XPR1: variants seen among roughly 807,000 people sequenced by gnomAD.
XPR1 encodes solute carrier family 53 member 1.
In XPR1, 28 loss-of-function variants were observed where a neutral mutation model predicts 87.5. The observed-to-expected ratio is 0.32, with a 90% CI of 0.24 to 0.44. XPR1 has a LOEUF of 0.44. Among genes scored for constraint, XPR1 ranks in the 20% least tolerant of loss-of-function variants. XPR1 has a pLI of 1.00. For synonymous variants in XPR1, 300 were observed against 306.1 expected, an observed-to-expected ratio of 0.98 and a Z score of 0.21; for missense variants, 559 against 862.3, an observed-to-expected ratio of 0.65 and a Z score of 4.41.
intron 2 of XPR1, among the ~76,000 whole-genome samples, chr1:180,688,220 T>A (rs1656856279): frequency 6.6e-6 from 1 of 150,716 alleles, no homozygotes; most frequent in South Asian, 2.1e-4. Context: ...GCCCGACTAA[T>A]TTTTGTATTT....
chr1:180,850,961 T>TAAAAA (rs34627089), intron 11 of XPR1, among the ~76,000 whole-genome samples: 1 of 139,360 alleles, frequency 7.2e-6, no homozygotes, highest in African/African-American at 2.6e-5. Flanking sequence ...CCTGTGTCTT[T>TAAAAA]AAAAAAAAAA....
intron 3 of XPR1, among the ~76,000 whole-genome samples, chr1:180,795,101 G>A (rs755190065): frequency 1.2e-4 from 18 of 152,130 alleles, no homozygotes; most frequent in African/African-American, 2.7e-4. Flanking sequence ...AATTGAATTA[G>A]CAAGATGGTA....
rs183785816 is a variant in XPR1, at chr1:180,877,539, G to A, written c.1809-2537G>A. Among the ~76,000 whole-genome samples, 14 of 152,324 alleles carry A rather than the reference G, an allele frequency of 9.2e-5. No homozygotes were observed. In the East Asian group the frequency reaches 2.7e-3, roughly 29 times the overall value. On this transcript the variant is annotated intron_variant, in intron 13 of 14. Coordinates refer to ENST00000367590, the MANE Select transcript of XPR1 (RefSeq NM_004736.4). ...GTGTGAAATCAATTCCAGGTGGATTGTAGAACTAAGTATGAAGAGTAAATC... is the reference window on the plus strand; with the variant it reads ...GTGTGAAATCAATTCCAGGTGGATTATAGAACTAAGTATGAAGAGTAAATC...
At chr1:180,843,934 C>A (rs959336058) in intron 11 of XPR1, among the ~76,000 whole-genome samples, 2 of 152,048 alleles carry the variant, frequency 1.3e-5, no homozygotes, top group Non-Finnish European at 2.9e-5. Context: ...AATAGTTGAC[C>A]GGGCACAGTA....
chr1:180,861,290 T>TA (rs1322011812), intron 11 of XPR1, among the ~76,000 whole-genome samples: 1 of 152,116 alleles, frequency 6.6e-6, no homozygotes, highest in Non-Finnish European at 1.5e-5. Flanking sequence ...CTTGCCTTTT[T>TA]ATCTCTGTGT....
At chr1:180,720,070 C>A in intron 2 of XPR1, among the ~76,000 whole-genome samples, 1 of 151,158 alleles carries the variant, frequency 6.6e-6, no homozygotes, top group East Asian at 1.9e-4. Flanking sequence ...TGGTTTACAA[C>A]AAGGTAAGTG....
At chr1:180,767,905 C>T (rs558085071) in intron 2 of XPR1, among the ~76,000 whole-genome samples, 4 of 151,530 alleles carry the variant, frequency 2.6e-5, no homozygotes, top group South Asian at 2.1e-4. Context: ...AGTGCAGTGG[C>T]GCAATCTCGG....
chr1:180,854,892 T>G (rs1214167606), intron 11 of XPR1, among the ~76,000 whole-genome samples: 1 of 152,178 alleles, frequency 6.6e-6, no homozygotes. Context: ...ACTTAATAGG[T>G]GTTTTCAGGG....
intron 2 of XPR1, among the ~76,000 whole-genome samples, chr1:180,760,430 A>G (rs895510793): frequency 2.0e-5 from 3 of 152,234 alleles, no homozygotes; most frequent in Non-Finnish European, 4.4e-5. Flanking sequence ...AGGATACAGA[A>G]TCAATGTACA....
chr1:180,658,966 G>C (rs1035123283), intron 1 of XPR1, among the ~76,000 whole-genome samples: 2 of 152,252 alleles, frequency 1.3e-5, no homozygotes, highest in African/African-American at 4.8e-5. Context: ...AATCTCACTT[G>C]GTTGTGATGA....
At chr1:180,707,592 CT>C (rs1657601660) in intron 2 of XPR1, among the ~76,000 whole-genome samples, 1 of 152,176 alleles carries the variant, frequency 6.6e-6, no homozygotes, top group Admixed American at 6.5e-5. Flanking sequence ...CAATTCTCCC[CT>C]GTTCCTGTTT....
intron 13 of XPR1, among the ~76,000 whole-genome samples, chr1:180,878,920 A>G (rs868219453): frequency 1.3e-5 from 2 of 152,062 alleles, no homozygotes; most frequent in Admixed American, 6.6e-5. Context: ...CTCTAGTTGT[A>G]TTATTCCTAA....
At chr1:180,688,882 T>A (rs1452909447) in intron 2 of XPR1, among the ~76,000 whole-genome samples, 1 of 152,164 alleles carries the variant, frequency 6.6e-6, no homozygotes, top group African/African-American at 2.4e-5. Flanking sequence ...CTGCCTGTCT[T>A]CCCTCTTTCC....
At chr1:180,694,686 A>G (rs12142014) in intron 2 of XPR1, among the ~76,000 whole-genome samples, 2,534 of 152,142 alleles carry the variant, frequency 0.017, 38 homozygotes, top group Non-Finnish European at 0.026. Context: ...GAGGATGTAT[A>G]AAGAACCCCA....
chr1:180,640,278 T>C (rs772253870), intron 1 of XPR1, among the ~76,000 whole-genome samples: 2 of 152,202 alleles, frequency 1.3e-5, no homozygotes, highest in Non-Finnish European at 2.9e-5. Flanking sequence ...GTAGTGGCAA[T>C]AACAGCAGCT....
intron 2 of XPR1, among the ~76,000 whole-genome samples, chr1:180,770,695 A>T (rs1477041714): frequency 6.6e-6 from 1 of 152,302 alleles, no homozygotes. Flanking sequence ...AACTAAAAAT[A>T]ACTTTGTTTA....
intron 2 of XPR1, among the ~76,000 whole-genome samples, chr1:180,761,832 A>T (rs934622763): frequency 2.0e-5 from 3 of 152,122 alleles, no homozygotes; most frequent in African/African-American, 7.2e-5. Context: ...GTATGTTTAT[A>T]GCGGCACTAT....
Position 180,784,056 on chromosome 1 carries a change from A to G in XPR1, c.122-3697A>G, listed in dbSNP as rs142426829. 6.8e-3 allele frequency among the ~76,000 whole-genome samples: 1,028 copies of G among 151,994 alleles called. 22 individuals are homozygous for G. The highest frequency in any genetic ancestry group is 0.011 in the Non-Finnish European group (725 of 67,896). ...GGTGACAGAGCAAGACTCTGTCTTA[A>G]AAAAAAACAAATGGTGAATGAATAT... On this transcript the variant is annotated intron_variant, in intron 2 of 14. Transcript: ENST00000367590.
chr1:180,764,519 G>T (rs1648193682), intron 2 of XPR1, among the ~76,000 whole-genome samples: 1 of 151,858 alleles, frequency 6.6e-6, no homozygotes, highest in South Asian at 2.1e-4. Flanking sequence ...ACCCAGGCTG[G>T]ATTGCAGTAG....
Sources: gnomAD v4.1 joint callset for allele counts (sites outside exome capture counted in the v4.1 genomes callset) on GRCh38, gnomAD v4.1.1 for gene constraint, MANE v1.5 for transcripts, NCBI Gene and HGNC (gene_info 2026-07-23, HGNC 2026-07-21) for gene names.